The following KCNQ1 variants were observed in gnomAD, a reference collection of about 807,000 sequenced individuals.
The protein encoded by KCNQ1 is potassium voltage-gated channel subfamily KQT member 1.
Under a neutral mutation model 72.4 loss-of-function variants are expected in KCNQ1, and 49 were observed. The ratio of observed to expected loss-of-function variants is 0.68; its 90% confidence interval spans 0.54 to 0.86. The LOEUF is 0.86. Among genes scored for constraint, KCNQ1 ranks in the 40% least tolerant of loss-of-function variants. The probability of loss-of-function intolerance (pLI) is 0.00; values close to 1 mark genes in which losing one functional copy is unlikely to be tolerated. For missense variants in KCNQ1, 790 were observed against 945.1 expected (o/e 0.84, Z 2.15); for synonymous variants, 450 against 412.6 (o/e 1.09, Z -1.10).
At chr11:2,648,599 T>C (rs898042144) in intron 10 of KCNQ1, 2 of 398,462 alleles carry the variant, frequency 5.0e-6, no homozygotes, top group Admixed American at 4.4e-5. Flanking sequence ...CCTCTTGTTA[T>C]TGATTTCCAG....
chr11:2,796,735 C>T (rs1847141939), intron 15 of KCNQ1, among the ~76,000 whole-genome samples: 1 of 152,222 alleles, frequency 6.6e-6, no homozygotes, highest in African/African-American at 2.4e-5. Flanking sequence ...CCCAGGAAGA[C>T]AGAGACTGGG....
intron 6 of KCNQ1, 30 bp downstream of exon 6, chr11:2,573,016 AG>A: frequency 6.2e-7 from 1 of 1,608,756 alleles, no homozygotes. Context: ...GCATGGGGAC[AG>A]GGGCAGCTCA....
Position 2,651,317 on chromosome 11 carries a change from C to CT in KCNQ1, c.1394-10643dup, listed in dbSNP as rs1224121027. 2.5e-6 allele frequency: 1 copy of CT among 398,610 alleles called. No individual in the cohort carries two copies. Among genetic ancestry groups the CT allele is most frequent in the Non-Finnish European group, 4.4e-6 (1 of 226,108 alleles). The allele number at this position is 398,610 out of a possible 1,614,324, so 24.7% of individuals were successfully genotyped here. A position where few individuals can be genotyped will look rare whatever the true frequency, so the allele number is the denominator to read the frequency against. On this transcript the variant is annotated intron_variant, in intron 10 of 15. Coordinates refer to ENST00000155840, the MANE Select transcript of KCNQ1 (RefSeq NM_000218.3). This position sits in a 1 kb window ranked among gnomAD's most constrained non-coding sequence, Gnocchi z 6.1. ...GGCAGCTGGGAAGCTGCACAGAACA[C>CT]TCCTCAGAGTTCTACAAGCGGCTGA...
In KCNQ1 at chr11:2,475,011, C is replaced by T. The variant is rs1420170870; in HGVS notation, c.386+29527C>T. Among the ~76,000 whole-genome samples the T allele has an allele frequency of 9.8e-5, 15 of 152,294 alleles. No individual in the cohort carries two copies. Among genetic ancestry groups the T allele is most frequent in the Admixed American group, 4.6e-4 (7 of 15,296 alleles). On this transcript the variant is annotated intron_variant, in intron 1 of 15. Coordinates refer to ENST00000155840, the MANE Select transcript of KCNQ1 (RefSeq NM_000218.3). This position sits in a 1 kb window ranked among gnomAD's most constrained non-coding sequence, Gnocchi z 5.8. The stretch of plus-strand genomic sequence containing the variant: ...ATTGTTTGTGTTGTGATAAAATACA[C>T]GTAACGTAAAATTGACCTTTTTAAC...
At position 2,658,908 on chromosome 11, in the gene KCNQ1, A is replaced by ATG; in HGVS notation, c.1394-3050_1394-3049dup. The stretch of plus-strand genomic sequence containing the variant: ...AACCCTATTGTACACGTAGTACCCT[A>ATG]TGTGAAGCAAATTTACCTACTAGAT... On this transcript the variant is annotated intron_variant, in intron 10 of 15. Transcript: ENST00000155840. The surrounding 1 kb of genome is among the most constrained non-coding windows in gnomAD (Gnocchi z 4.9). The ATG allele has an allele frequency of 2.5e-6, 1 of 398,506 alleles. No homozygotes were observed. Among genetic ancestry groups the ATG allele is most frequent in the Non-Finnish European group, 4.4e-6 (1 of 226,022 alleles). 24.7% of individuals were successfully genotyped at this position (398,506 alleles called of 1,614,324 possible).
chr11:2,608,047 A>G lies in KCNQ1; in HGVS notation c.1393+19193A>G, dbSNP rs1013522894. Among the ~76,000 whole-genome samples, 4 of 152,268 alleles carry G rather than the reference A, an allele frequency of 2.6e-5. No homozygotes were observed. The highest frequency in any genetic ancestry group is 2.9e-5 in the Non-Finnish European group (2 of 68,052). On this transcript the variant is annotated intron_variant, in intron 10 of 15. Coordinates refer to ENST00000155840, the MANE Select transcript of KCNQ1 (RefSeq NM_000218.3). This position sits in a 1 kb window ranked among gnomAD's most constrained non-coding sequence, Gnocchi z 4.6. ...GATTTACCTAATGCCACAGAACTATATACCTAAAATGGGTAAAATAAATTT... is the reference window on the plus strand; with the variant it reads ...GATTTACCTAATGCCACAGAACTATGTACCTAAAATGGGTAAAATAAATTT...
At chr11:2,672,888 A>T (rs1269846356) in intron 11 of KCNQ1, 1 of 398,678 alleles carries the variant, frequency 2.5e-6, no homozygotes, top group Non-Finnish European at 4.4e-6. Flanking sequence ...CTGTCAGGGG[A>T]GCAGTATGTG....
At chr11:2,556,806 T>G (rs1254121196) in intron 2 of KCNQ1, among the ~76,000 whole-genome samples, 1 of 152,168 alleles carries the variant, frequency 6.6e-6, no homozygotes, top group Non-Finnish European at 1.5e-5. Flanking sequence ...TGGCTGTGAG[T>G]TTGAGGAACC....
intron 6 of KCNQ1, among the ~76,000 whole-genome samples, chr11:2,573,616 G>T (rs928363593): frequency 3.9e-5 from 6 of 152,230 alleles, no homozygotes; most frequent in African/African-American, 1.4e-4. Context: ...GACCCGGCCT[G>T]TGGGCCCAGA....
rs772092846 is a variant in KCNQ1, at chr11:2,777,959, T to G, written c.1733-17T>G. On this transcript the variant is annotated splice_polypyrimidine_tract_variant and intron_variant, in intron 14 of 15. Transcript: ENST00000155840. The stretch of plus-strand genomic sequence containing the variant: ...CCCCAGCACTTGGCCCTGATTTGGG[T>G]GTTTTATCCCCCATAGAAAAGAGCA... 4 of 1,613,222 alleles carry G rather than the reference T, an allele frequency of 2.5e-6. No homozygotes were observed. The South Asian group carries it at 4.4e-5, about 18-fold the overall frequency.
intron 10 of KCNQ1, chr11:2,640,918 CAT>C (rs1468041205): frequency 2.8e-5 from 11 of 399,320 alleles, no homozygotes; most frequent in Non-Finnish European, 4.9e-5. Flanking sequence ...ATGATAATAA[CAT>C]AAGATAATTA....
At position 2,674,870 on chromosome 11, in the gene KCNQ1, G is replaced by A. The variant is rs1437346154; in HGVS notation, c.1514+12789G>A. On this transcript the variant is annotated intron_variant, in intron 11 of 15. Coordinates refer to ENST00000155840, the MANE Select transcript of KCNQ1 (RefSeq NM_000218.3). This position sits in a 1 kb window ranked among gnomAD's most constrained non-coding sequence, Gnocchi z 5.9. Reference sequence around the variant, plus strand: ...AAAAAAAAAAAAAAAAGCTCACTGGGCACCTTGGCTGCAGGGTCTGAAAAG... The same window carrying A: ...AAAAAAAAAAAAAAAAGCTCACTGGACACCTTGGCTGCAGGGTCTGAAAAG... The A allele has an allele frequency of 2.3e-5, 9 of 396,390 alleles. No individual in the cohort carries two copies. The highest frequency in any genetic ancestry group is 8.3e-5 in the African/African-American group (4 of 48,092). The allele number at this position is 396,390 out of a possible 1,614,324, so 24.6% of individuals were successfully genotyped here.
At chr11:2,455,488 A>G (rs1030446438) in intron 1 of KCNQ1, among the ~76,000 whole-genome samples, 3 of 152,226 alleles carry the variant, frequency 2.0e-5, no homozygotes, top group African/African-American at 7.2e-5. Flanking sequence ...AAAGAATAAA[A>G]TACCCAGGAA....
chr11:2,763,536 A>T lies in KCNQ1; in HGVS notation c.1515-5308A>T, dbSNP rs183790051. ...AGTTTATGGTTATTGATGCTATTGT[A>T]ATTGATATGTTTTATTTTCTAATTG... On this transcript the variant is annotated intron_variant, in intron 11 of 15. Transcript: ENST00000155840. Among the ~76,000 whole-genome samples the T allele has an allele frequency of 2.9e-3, 441 of 152,358 alleles. 2 individuals are homozygous for T. The highest frequency in any genetic ancestry group is 0.01 in the African/African-American group (425 of 41,586).
chr11:2,570,331 C>G (rs1176388801), intron 2 of KCNQ1, among the ~76,000 whole-genome samples: 1 of 152,230 alleles, frequency 6.6e-6, no homozygotes, highest in Non-Finnish European at 1.5e-5. Context: ...GTGGGGCCCC[C>G]TCTGGCCAAG....
chr11:2,834,189 C>T (rs757298951), intron 15 of KCNQ1, among the ~76,000 whole-genome samples: 22 of 152,026 alleles, frequency 1.4e-4, no homozygotes, highest in Non-Finnish European at 2.6e-4. Context: ...TGGCACATGG[C>T]ATGGCTGGGG....
rs1846220991 is a variant in KCNQ1, at chr11:2,457,994, G to T, written c.386+12510G>T. Among the ~76,000 whole-genome samples, 2 of 152,064 alleles carry T rather than the reference G, an allele frequency of 1.3e-5. No individual in the cohort carries two copies. Among genetic ancestry groups the T allele is most frequent in the Admixed American group, 1.3e-4 (2 of 15,260 alleles). On this transcript the variant is annotated intron_variant, in intron 1 of 15. Coordinates refer to ENST00000155840, the MANE Select transcript of KCNQ1 (RefSeq NM_000218.3). This position sits in a 1 kb window ranked among gnomAD's most constrained non-coding sequence, Gnocchi z 5.0. Reference sequence around the variant, plus strand: ...TAAGAGCATCTCTAGACCCCAGACTGTGGCCTCTAGGTACCATTTCCCCCT... The same window carrying T: ...TAAGAGCATCTCTAGACCCCAGACTTTGGCCTCTAGGTACCATTTCCCCCT...
At chr11:2,708,177 G>A (rs1288084885) in intron 11 of KCNQ1, among the ~76,000 whole-genome samples, 1 of 152,214 alleles carries the variant, frequency 6.6e-6, no homozygotes, top group East Asian at 1.9e-4. Flanking sequence ...AGTCCTCTGT[G>A]ACTCTTTCCT....
chr11:2,545,160 T>C (rs554649698), intron 2 of KCNQ1, among the ~76,000 whole-genome samples: 6 of 152,248 alleles, frequency 3.9e-5, no homozygotes, highest in Non-Finnish European at 7.3e-5. Flanking sequence ...AGTATTCTTT[T>C]TGTATATCAC....
Sources: allele counts gnomAD v4.1 joint callset (sites outside exome capture counted in the v4.1 genomes callset), GRCh38; gene constraint gnomAD v4.1.1; non-coding constraint Gnocchi (gnomAD v3.1); transcripts MANE v1.5; gene names NCBI Gene and HGNC (gene_info 2026-07-23, HGNC 2026-07-21).